Variants in RASSF8 observed in about 807,000 individuals in gnomAD.
RASSF8 encodes ras association domain-containing protein 8.
RASSF8 carries 22 observed loss-of-function variants against 48.5 expected under a neutral mutation model. The observed-to-expected ratio is 0.45, with a 90% CI of 0.32 to 0.65. The LOEUF (loss-of-function observed/expected upper bound fraction) is 0.65. RASSF8 is among the 30% of genes least tolerant of loss of function. The pLI is 0.03. For synonymous variants in RASSF8, 127 were observed against 171.5 expected (o/e 0.74, Z 2.03); for missense variants, 418 against 489.2 (o/e 0.85, Z 1.37).
chr12:26,029,578 C>T (rs998645344), intron 2 of RASSF8, among the ~76,000 whole-genome samples: 2 of 152,176 alleles, frequency 1.3e-5, no homozygotes, highest in Non-Finnish European at 2.9e-5. Context: ...GCGGCATCTT[C>T]TGTTAATCAT....
At chr12:26,074,412 G>A (rs1410984389), downstream of RASSF8, among the ~76,000 whole-genome samples, 1 of 151,942 alleles carries the variant, frequency 6.6e-6, no homozygotes, top group East Asian at 1.9e-4. Context: ...GCCTGATCTC[G>A]GCTCACTGCA....
chr12:26,055,997 C>G (rs932247840), intron 3 of RASSF8, among the ~76,000 whole-genome samples: 6 of 152,060 alleles, frequency 3.9e-5, no homozygotes, highest in Non-Finnish European at 7.4e-5. Flanking sequence ...ACCAGCCTGG[C>G]AAACATGGTC....
chr12:26,024,877 A>T (rs764511256), intron 2 of RASSF8, among the ~76,000 whole-genome samples: 1 of 152,032 alleles, frequency 6.6e-6, no homozygotes, highest in Non-Finnish European at 1.5e-5. Flanking sequence ...GAACAGCATG[A>T]ATCTGGGAGG....
rs571168763 is a variant in RASSF8, at chr12:26,079,151, C to T, written c.*78C>T. On this transcript the variant is annotated 3_prime_UTR_variant, in exon 6 of 6. Coordinates refer to the RASSF8 transcript ENST00000381352. ...CATTAAACCCAAAACTCCTGCACAA[C>T]AAAGGAAACGATCACCAAAATGAAA... is the stretch of plus-strand genomic sequence containing the variant. 1.7e-5 allele frequency: 17 copies of T among 986,432 alleles called. No homozygotes were observed. The African/African-American group carries it at 2.8e-4, about 17-fold the overall frequency. 61.1% of individuals were successfully genotyped at this position (986,432 alleles called of 1,614,324 possible).
Position 25,988,476 on chromosome 12 carries a change from G to C in RASSF8, c.-202-6561G>C, listed in dbSNP as rs1016312639. Among the ~76,000 whole-genome samples, 59 of 152,140 alleles carry C rather than the reference G, an allele frequency of 3.9e-4. 2 individuals are homozygous for C. The highest frequency in any genetic ancestry group is 3.9e-3 in the Admixed American group (59 of 15,272). On this transcript the variant is annotated intron_variant, in intron 1 of 5. Coordinates refer to ENST00000689635, the MANE Select transcript of RASSF8 (RefSeq NM_001394098.1). The stretch of plus-strand genomic sequence containing the variant: ...TCTGTAGTATTTAGAAAAATTTCCA[G>C]GGTGATTGGGGAATGGTGACTGCAG...
intron 1 of RASSF8, among the ~76,000 whole-genome samples, chr12:25,964,741 G>A (rs553281184): frequency 2.6e-5 from 4 of 152,100 alleles, no homozygotes; most frequent in Non-Finnish European, 5.9e-5. Context: ...ATTTATAATC[G>A]ATGAAACTCT....
At chr12:26,002,040 T>A (rs1050182485) in intron 2 of RASSF8, among the ~76,000 whole-genome samples, 11 of 152,228 alleles carry the variant, frequency 7.2e-5, no homozygotes, top group Admixed American at 5.2e-4. Context: ...ATTTTTCAGA[T>A]CCAGTGTAAT....
At chr12:26,076,223 A>T (rs745778522), downstream of RASSF8, among the ~76,000 whole-genome samples, 40 of 150,400 alleles carry the variant, frequency 2.7e-4, no homozygotes, top group Non-Finnish European at 4.0e-4. Context: ...CTCTACACCA[A>T]TCGTGACTGT....
upstream of RASSF8, chr12:25,958,369 G>T (rs1285308429): frequency 6.6e-6 from 1 of 151,838 alleles, no homozygotes; most frequent in African/African-American, 2.4e-5. Flanking sequence ...GCGACAGCGG[G>T]GGGGCGTCGC....
intron 1 of RASSF8, among the ~76,000 whole-genome samples, chr12:25,987,168 A>T (rs1941905051): frequency 6.6e-6 from 1 of 152,160 alleles, no homozygotes; most frequent in African/African-American, 2.4e-5. Flanking sequence ...TCCCAACCTC[A>T]GGTGATCCAC....
intron 1 of RASSF8, among the ~76,000 whole-genome samples, chr12:25,961,312 G>A (rs1381695526): frequency 1.3e-5 from 2 of 152,172 alleles, no homozygotes; most frequent in African/African-American, 4.8e-5. Flanking sequence ...TAGATATCTT[G>A]CTAGTGTTCA....
At chr12:26,079,041 A>G (rs946837335) in exon 6 of RASSF8, 3 of 1,546,488 alleles carry the variant, frequency 1.9e-6, no homozygotes, top group African/African-American at 2.7e-5. Context: ...AGGGATCATC[A>G]TTCTTTCTGA....
chr12:25,975,504 A>G (rs1292448233), intron 1 of RASSF8, among the ~76,000 whole-genome samples: 4 of 152,242 alleles, frequency 2.6e-5, no homozygotes, highest in Non-Finnish European at 4.4e-5. Context: ...TGGGTTCAGC[A>G]TACTGCTCAG....
intron 2 of RASSF8, among the ~76,000 whole-genome samples, chr12:26,001,570 C>T (rs575749136): frequency 6.6e-5 from 10 of 151,824 alleles, no homozygotes; most frequent in African/African-American, 2.2e-4. Context: ...TATTTATTTT[C>T]GAACTTTTTT....
At chr12:26,073,730 A>T (rs1026429126), downstream of RASSF8, among the ~76,000 whole-genome samples, 5 of 138,158 alleles carry the variant, frequency 3.6e-5, no homozygotes, top group Non-Finnish European at 6.1e-5. Flanking sequence ...CAAAAGCGAG[A>T]CTCTCTCTCT....
chr12:26,077,538 T>G (rs577805852), downstream of RASSF8, among the ~76,000 whole-genome samples: 2 of 152,152 alleles, frequency 1.3e-5, no homozygotes, highest in East Asian at 1.9e-4. Flanking sequence ...CCCATTTCTT[T>G]TTTTTGTCAG....
intron 2 of RASSF8, among the ~76,000 whole-genome samples, chr12:25,996,483 G>A (rs1396656873): frequency 6.6e-6 from 1 of 152,176 alleles, no homozygotes; most frequent in South Asian, 2.1e-4. Context: ...GGGATTTTGT[G>A]TATTTGGGTT....
chr12:25,984,250 T>TTA (rs1555159977), intron 1 of RASSF8, among the ~76,000 whole-genome samples: 11 of 145,188 alleles, frequency 7.6e-5, no homozygotes, highest in African/African-American at 2.9e-4. Context: ...TTTTTTTTTT[T>TTA]AGTTCTTTTG....
intron 3 of RASSF8, 76 bp from the exon 4 acceptor site, chr12:26,064,422 C>A: frequency 7.4e-7 from 1 of 1,346,386 alleles, no homozygotes; most frequent in Non-Finnish European, 1.0e-6. Flanking sequence ...ACACAATCAT[C>A]AAATGGCATT....
Sources: allele counts gnomAD v4.1 joint callset (sites outside exome capture counted in the v4.1 genomes callset), GRCh38; gene constraint gnomAD v4.1.1; transcripts MANE v1.5; gene names NCBI Gene and HGNC (gene_info 2026-07-23, HGNC 2026-07-21).